FSIP1: variants seen among roughly 807,000 people sequenced by gnomAD.
FSIP1 encodes fibrous sheath-interacting protein 1.
FSIP1 carries 65 observed loss-of-function variants against 60.9 expected under a neutral mutation model. That is an observed-to-expected ratio of 1.07 (90% CI 0.87 to 1.31). FSIP1 has a LOEUF of 1.31. FSIP1 is among the 40% of genes most tolerant of loss of function. The pLI, the probability that FSIP1 is intolerant of heterozygous loss-of-function variation, is 0.00. For synonymous variants in FSIP1, 209 were observed against 221.2 expected, an observed-to-expected ratio of 0.94 and a Z score of 0.49; for missense variants, 675 against 665.5, an observed-to-expected ratio of 1.01 and a Z score of -0.16.
chr15:39,618,588 C>T lies in FSIP1; in HGVS notation c.1189-343G>A, dbSNP rs1172984931. ...CCACAACTATCAGTGGACAATACTG[C>T]TGAAGACAGAAAAGGAAGGGTGAAG... On this transcript the variant is annotated intron_variant, in intron 10 of 11. Coordinates refer to ENST00000350221, the MANE Select transcript of FSIP1 (RefSeq NM_152597.5). 2.0e-5 allele frequency among the ~76,000 whole-genome samples: 3 copies of T among 152,186 alleles called. No homozygotes were observed. The East Asian group carries it at 5.8e-4, about 29-fold the overall frequency.
rs1890588362 is a variant in FSIP1 at position 39,600,168 on chromosome 15, A to G, written c.*712T>C. 6.6e-6 allele frequency: 1 copy of G among 152,264 alleles called. No individual in the cohort carries two copies. The highest frequency in any genetic ancestry group is 2.4e-5 in the African/African-American group (1 of 41,472). 9.4% of individuals were successfully genotyped at this position (152,264 alleles called of 1,614,324 possible). On this transcript the variant is annotated 3_prime_UTR_variant, in exon 12 of 12. Transcript: ENST00000350221. ...CAACACAAAATTTTCTCATGAATCT[A>G]AGTTACTGACTTGTAACTAAACCAT... is the stretch of plus-strand genomic sequence containing the variant.
chr15:39,646,854 CTG>C (rs1199319584), intron 10 of FSIP1, among the ~76,000 whole-genome samples: 1 of 152,086 alleles, frequency 6.6e-6, no homozygotes, highest in Non-Finnish European at 1.5e-5. Context: ...GATACAGAAA[CTG>C]TGATATACAC....
intron 5 of FSIP1, among the ~76,000 whole-genome samples, chr15:39,758,593 T>C (rs1302779729): frequency 1.3e-5 from 2 of 152,006 alleles, no homozygotes; most frequent in Non-Finnish European, 2.9e-5. Flanking sequence ...TATTAGTAAG[T>C]TGTACTTTTC....
chr15:39,660,955 C>T (rs1473450374), intron 10 of FSIP1, among the ~76,000 whole-genome samples: 2 of 152,158 alleles, frequency 1.3e-5, no homozygotes, highest in African/African-American at 4.8e-5. Flanking sequence ...CCAAGCTACT[C>T]AGGAGGCCGA....
intron 10 of FSIP1, among the ~76,000 whole-genome samples, chr15:39,657,317 G>A (rs1893109878): frequency 6.6e-6 from 1 of 152,066 alleles, no homozygotes; most frequent in Non-Finnish European, 1.5e-5. Flanking sequence ...TTGGAAAGAA[G>A]TTCAAAGAAA....
chr15:39,599,542 T>C (rs1890567745), downstream of FSIP1: 2 of 130,730 alleles, frequency 1.5e-5, no homozygotes. Flanking sequence ...CTCCTCCTTC[T>C]TTCTCTCTCT....
chr15:39,715,235 A>C (rs935485138), intron 9 of FSIP1, among the ~76,000 whole-genome samples: 1 of 152,062 alleles, frequency 6.6e-6, no homozygotes, highest in African/African-American at 2.4e-5. Context: ...CACTACTACC[A>C]GTTCCCCCAA....
chr15:39,628,977 G>A lies in FSIP1; in HGVS notation c.1189-10732C>T, dbSNP rs533179820. ...CGAGGCAGGAGCTCAATCAATGCTG[G>A]AACATCAATAGCAAATCTCAGCTTC... On this transcript the variant is annotated intron_variant, in intron 10 of 11. Coordinates refer to ENST00000350221, the MANE Select transcript of FSIP1 (RefSeq NM_152597.5). 3.3e-5 allele frequency among the ~76,000 whole-genome samples: 5 copies of A among 152,328 alleles called. No individual in the cohort carries two copies. The South Asian group carries it at 1.0e-3, about 32-fold the overall frequency.
chr15:39,751,804 T>C (rs968848018), intron 5 of FSIP1, among the ~76,000 whole-genome samples: 4 of 152,002 alleles, frequency 2.6e-5, no homozygotes, highest in Admixed American at 2.6e-4. Context: ...AATGAGATTA[T>C]AGCTGCTCTT....
At chr15:39,726,451 GAAGTAACCA>G in intron 9 of FSIP1, 129 bp downstream of exon 9, 1 of 773,046 alleles carries the variant, frequency 1.3e-6, no homozygotes, top group Non-Finnish European at 2.1e-6. Context: ...GTAGAAAGTG[GAAGTAACCA>G]AAGGAATATA....
intron 8 of FSIP1, among the ~76,000 whole-genome samples, chr15:39,731,490 T>C (rs79331035): frequency 6.6e-6 from 1 of 152,352 alleles, no homozygotes; most frequent in Non-Finnish European, 1.5e-5. Flanking sequence ...TTAAGTTCTG[T>C]CTGAATGGGA....
chr15:39,726,948 G>A (rs980079110), intron 8 of FSIP1, among the ~76,000 whole-genome samples: 4 of 152,146 alleles, frequency 2.6e-5, no homozygotes, highest in African/African-American at 7.2e-5. Flanking sequence ...TTATCTGCCA[G>A]CCTGTATAAA....
intron 10 of FSIP1, among the ~76,000 whole-genome samples, chr15:39,681,353 T>C (rs1894154749): frequency 6.6e-6 from 1 of 152,204 alleles, no homozygotes; most frequent in Non-Finnish European, 1.5e-5. Context: ...TTCTACATTA[T>C]ATGTTTTTAT....
chr15:39,682,922 A>G (rs1894223953), intron 10 of FSIP1, among the ~76,000 whole-genome samples: 1 of 152,242 alleles, frequency 6.6e-6, no homozygotes, highest in Admixed American at 6.5e-5. Context: ...CTATAAATTA[A>G]AACACAAATG....
chr15:39,629,969 T>C (rs779702302), intron 10 of FSIP1, among the ~76,000 whole-genome samples: 114 of 152,184 alleles, frequency 7.5e-4, no homozygotes, highest in Non-Finnish European at 3.1e-4. Context: ...AACTCCACAT[T>C]TAACTTGTTA....
At chr15:39,598,896 T>C (rs1890544021), downstream of FSIP1, 1 of 152,042 alleles carries the variant, frequency 6.6e-6, no homozygotes, top group Admixed American at 6.6e-5. Flanking sequence ...CTTAAATAAA[T>C]TGGCTCTCTC....
intron 9 of FSIP1, among the ~76,000 whole-genome samples, chr15:39,715,450 T>C (rs16969680): frequency 0.12 from 18,914 of 152,178 alleles, 1,406 homozygotes; most frequent in African/African-American, 0.2. Context: ...ACTATAATCC[T>C]GAAGCTGTGT....
At chr15:39,648,071 T>C (rs886919878) in intron 10 of FSIP1, among the ~76,000 whole-genome samples, 1 of 151,494 alleles carries the variant, frequency 6.6e-6, no homozygotes, top group Admixed American at 6.6e-5. Flanking sequence ...TAAGGCTAGA[T>C]GACGAGTTAG....
intron 5 of FSIP1, among the ~76,000 whole-genome samples, chr15:39,747,841 AT>A (rs988398541): frequency 2.0e-5 from 3 of 152,108 alleles, no homozygotes; most frequent in Non-Finnish European, 2.9e-5. Flanking sequence ...CATATATAAT[AT>A]TTTTTAAATC....
Sources: allele counts gnomAD v4.1 joint callset (sites outside exome capture counted in the v4.1 genomes callset), GRCh38; gene constraint gnomAD v4.1.1; transcripts MANE v1.5; gene names NCBI Gene and HGNC (gene_info 2026-07-23, HGNC 2026-07-21).